The following SNTB2 variants were observed in gnomAD, a reference collection of about 807,000 sequenced individuals.
The protein encoded by SNTB2 is beta-2-syntrophin.
Under a neutral mutation model 46.2 loss-of-function variants are expected in SNTB2, and 34 were observed. That is an observed-to-expected ratio of 0.74 (90% CI 0.56 to 0.98). SNTB2 has a LOEUF of 0.98. Ranked by LOEUF, SNTB2 falls within the 50% of genes least tolerant of loss-of-function variation. The pLI, the probability that SNTB2 is intolerant of heterozygous loss-of-function variation, is 0.00. For missense variants in SNTB2, 603 were observed against 731.4 expected, an observed-to-expected ratio of 0.82 and a Z score of 2.02; for synonymous variants, 290 against 312.6, an observed-to-expected ratio of 0.93 and a Z score of 0.76.
intron 2 of SNTB2, among the ~76,000 whole-genome samples, chr16:69,258,334 G>T (rs1386639270): frequency 1.3e-5 from 2 of 151,646 alleles, no homozygotes; most frequent in Non-Finnish European, 2.9e-5. Context: ...ATTCATCTTT[G>T]CAAGAACTTT....
At chr16:69,293,724 C>G (rs775381432) in intron 5 of SNTB2, among the ~76,000 whole-genome samples, 4 of 152,078 alleles carry the variant, frequency 2.6e-5, no homozygotes, top group Non-Finnish European at 4.4e-5. Context: ...TTCAGAGGGA[C>G]ATGTTGAAAA....
At chr16:69,244,111 A>G (rs1486553699) in intron 1 of SNTB2, among the ~76,000 whole-genome samples, 1 of 152,180 alleles carries the variant, frequency 6.6e-6, no homozygotes, top group Non-Finnish European at 1.5e-5. Flanking sequence ...TGAGGACCTC[A>G]GAACAGTTAA....
At chr16:69,266,268 G>T (rs935848867) in intron 3 of SNTB2, among the ~76,000 whole-genome samples, 1 of 152,322 alleles carries the variant, frequency 6.6e-6, no homozygotes, top group Admixed American at 6.5e-5. Flanking sequence ...AGAGGGTTAG[G>T]CAGGAGAATC....
chr16:69,259,927 T>G, intron 2 of SNTB2, 123 bp from the exon 3 acceptor site: 1 of 801,822 alleles, frequency 1.2e-6, no homozygotes, highest in Non-Finnish European at 2.1e-6. Flanking sequence ...TATCTTTATT[T>G]GAGTATACAA....
Position 69,307,708 on chromosome 16 carries a change from G to T in SNTB2, c.*6784G>T, listed in dbSNP as rs942724839. On this transcript the variant is annotated 3_prime_UTR_variant, in exon 7 of 7. Transcript: ENST00000336278. Reference sequence around the variant, plus strand: ...GATATTTAAAAATTAACAAAATCAGGCCAAGGCAGGAGGATCACTTTAGCC... The same window carrying T: ...GATATTTAAAAATTAACAAAATCAGTCCAAGGCAGGAGGATCACTTTAGCC... 6.6e-6 allele frequency: 1 copy of T among 151,146 alleles called. No homozygotes were observed. The highest frequency in any genetic ancestry group is 2.4e-5 in the African/African-American group (1 of 41,106). 9.4% of individuals were successfully genotyped at this position (151,146 alleles called of 1,614,324 possible). A position where few individuals can be genotyped will look rare whatever the true frequency, so the allele number is the denominator to read the frequency against.
At chr16:69,207,278 C>T (rs1048654908) in intron 1 of SNTB2, among the ~76,000 whole-genome samples, 8 of 151,706 alleles carry the variant, frequency 5.3e-5, no homozygotes, top group African/African-American at 9.7e-5. Flanking sequence ...CTCGGCTTCC[C>T]GAGTAGCTTG....
chr16:69,299,587 C>T lies in SNTB2; in HGVS notation c.1346-3C>T. 1 of 1,611,490 alleles carries T rather than the reference C, an allele frequency of 6.2e-7. No homozygotes were observed. Among genetic ancestry groups the T allele is most frequent in the Non-Finnish European group, 8.5e-7 (1 of 1,178,680 alleles). Reference sequence around the variant, plus strand: ...ACTAATGTTTTTTGCTTTTCTTCAACAGGCTGCATGTTAAATGGCCAAGAG... The same window carrying T: ...ACTAATGTTTTTTGCTTTTCTTCAATAGGCTGCATGTTAAATGGCCAAGAG... On this transcript the variant is annotated splice_region_variant and splice_polypyrimidine_tract_variant and intron_variant, in intron 5 of 6. Transcript: ENST00000336278.
chr16:69,222,948 A>AT (rs987475968), intron 1 of SNTB2, among the ~76,000 whole-genome samples: 3 of 149,626 alleles, frequency 2.0e-5, no homozygotes, highest in Non-Finnish European at 4.5e-5. Context: ...TGCCCAGCTA[A>AT]TTTTTTTTTA....
chr16:69,234,807 ATTC>A (rs1231812226), intron 1 of SNTB2, among the ~76,000 whole-genome samples: 1 of 151,744 alleles, frequency 6.6e-6, no homozygotes, highest in Non-Finnish European at 1.5e-5. Flanking sequence ...GGTTCAAGCA[ATTC>A]TTCTGCCTCA....
chr16:69,248,796 C>T (rs1192762191), intron 2 of SNTB2, among the ~76,000 whole-genome samples: 2 of 123,508 alleles, frequency 1.6e-5, no homozygotes, highest in Non-Finnish European at 3.4e-5. Flanking sequence ...CCTATCTCTA[C>T]AAAAAAAAAG....
chr16:69,294,095 A>G (rs1017763614), intron 5 of SNTB2, among the ~76,000 whole-genome samples: 2 of 152,150 alleles, frequency 1.3e-5, no homozygotes, highest in Admixed American at 6.6e-5. Flanking sequence ...TGTCACGAAC[A>G]TGGCTCACTG....
intron 1 of SNTB2, among the ~76,000 whole-genome samples, chr16:69,198,526 C>G (rs1217705506): frequency 6.6e-6 from 1 of 152,176 alleles, no homozygotes; most frequent in African/African-American, 2.4e-5. Context: ...TCTTATTCCT[C>G]TACCACTTAC....
In SNTB2 at chr16:69,187,179, G is replaced by T. The variant is rs1421646545; in HGVS notation, c.13G>T (p.Ala5Ser). The T allele has an allele frequency of 2.2e-6, 3 of 1,373,674 alleles. No individual in the cohort carries two copies. Among genetic ancestry groups the T allele is most frequent in the South Asian group, 1.8e-5 (1 of 57,012 alleles). 85.1% of individuals were successfully genotyped at this position (1,373,674 alleles called of 1,614,324 possible). Residue 5 changes from alanine (A) to serine (S), a missense_variant, in exon 1 of 7, where the codon GCG (alanine) becomes TCG (serine). Transcript: ENST00000336278. Reference sequence around the variant, plus strand: ...CTGCCTGACTGGAATGAGGGTAGCTGCGGCGACTGCGGCGGCTGGAGCGGG... The same window carrying T: ...CTGCCTGACTGGAATGAGGGTAGCTTCGGCGACTGCGGCGGCTGGAGCGGG... MRVA[A>S]ATAAAGAGPA...
intron 5 of SNTB2, among the ~76,000 whole-genome samples, chr16:69,292,854 G>A (rs1035633109): frequency 2.0e-5 from 3 of 151,850 alleles, no homozygotes; most frequent in African/African-American, 7.3e-5. Flanking sequence ...TTCTTAGAAC[G>A]CCATCTCTAA....
intron 3 of SNTB2, among the ~76,000 whole-genome samples, chr16:69,265,205 C>T (rs565887046): frequency 3.3e-5 from 5 of 152,108 alleles, no homozygotes; most frequent in South Asian, 4.2e-4. Context: ...GCCGAGATCG[C>T]GCCACTGCAC....
chr16:69,213,031 G>A (rs1470898004), intron 1 of SNTB2, among the ~76,000 whole-genome samples: 1 of 152,104 alleles, frequency 6.6e-6, no homozygotes, highest in Non-Finnish European at 1.5e-5. Flanking sequence ...GTATAGTAAT[G>A]GTTACATGCT....
rs1230568858 is a variant in SNTB2 at position 69,304,840 on chromosome 16, A to G, written c.*3916A>G. On this transcript the variant is annotated 3_prime_UTR_variant, in exon 7 of 7. Transcript: ENST00000336278. ...CACCACACCTGGCTAATTTTTATGG[A>G]TTTTTTTTTCTTTTTTTTTTTTCGC... is the stretch of plus-strand genomic sequence containing the variant. 7.1e-6 allele frequency: 1 copy of G among 141,580 alleles called. No homozygotes were observed. The highest frequency in any genetic ancestry group is 7.0e-5 in the Admixed American group (1 of 14,194). The allele number at this position is 141,580 out of a possible 1,614,324, so 8.8% of individuals were successfully genotyped here. A position where few individuals can be genotyped will look rare whatever the true frequency, so the allele number is the denominator to read the frequency against.
In SNTB2 at chr16:69,245,693, CT is replaced by C; in HGVS notation, c.675del (p.Phe225LeufsTer33). 6.2e-7 allele frequency: 1 copy of C among 1,614,082 alleles called. No individual in the cohort carries two copies. Among genetic ancestry groups the C allele is most frequent in the Non-Finnish European group, 8.5e-7 (1 of 1,180,006 alleles). The part of the protein sequence containing the change: ...WEGAAPQSPS[F>X]SGSEDSGSPK... ...AAGGTGCAGCCCCCCAGTCACCAAG[CT>C]TTAGTGGCAGTGAGGACTCTGGTTC... On this transcript the variant is annotated frameshift_variant, in exon 2 of 7. Transcript: ENST00000336278. LOFTEE classifies it high-confidence loss of function.
At chr16:69,288,795 C>T (rs1381850262) in intron 5 of SNTB2, among the ~76,000 whole-genome samples, 1 of 152,122 alleles carries the variant, frequency 6.6e-6, no homozygotes, top group Non-Finnish European at 1.5e-5. Context: ...ACCTAAGTGT[C>T]CATCAGCAGA....
Sources: gnomAD v4.1 joint callset for allele counts (sites outside exome capture counted in the v4.1 genomes callset) on GRCh38, gnomAD v4.1.1 for gene constraint, MANE v1.5 for transcripts, NCBI Gene and HGNC (gene_info 2026-07-23, HGNC 2026-07-21) for gene names.